Variants in ARHGAP26 observed in about 807,000 individuals in gnomAD.
The protein encoded by ARHGAP26 is Rho GTPase activating protein 26, also known as rho GTPase-activating protein 26.
A neutral mutation model predicts 104.8 loss-of-function variants in ARHGAP26; 38 were observed. The observed-to-expected ratio is 0.36, with a 90% CI of 0.28 to 0.48. ARHGAP26 has a LOEUF of 0.48. Among genes scored for constraint, ARHGAP26 ranks in the 20% least tolerant of loss-of-function variants. The pLI is 0.99. For synonymous variants in ARHGAP26, 341 were observed against 340.0 expected, an observed-to-expected ratio of 1.00 and a Z score of -0.03; for missense variants, 704 against 947.9, an observed-to-expected ratio of 0.74 and a Z score of 3.38.
At chr5:143,179,986 C>G (rs1250417430) in intron 20 of ARHGAP26, among the ~76,000 whole-genome samples, 1 of 152,066 alleles carries the variant, frequency 6.6e-6, no homozygotes, top group Non-Finnish European at 1.5e-5. Flanking sequence ...GGTTTAAAAC[C>G]CTCAATTTGC....
intron 1 of ARHGAP26, among the ~76,000 whole-genome samples, chr5:142,869,294 C>T (rs1283167949): frequency 6.6e-6 from 1 of 151,348 alleles, no homozygotes; most frequent in Non-Finnish European, 1.5e-5. Flanking sequence ...GCAGCCTCAG[C>T]CTCCCGGGTT....
intron 1 of ARHGAP26, among the ~76,000 whole-genome samples, chr5:142,786,654 A>ATTTTTTTTTTTTT (rs70991779): frequency 9.6e-6 from 1 of 104,446 alleles, no homozygotes; most frequent in East Asian, 3.0e-4. Flanking sequence ...GAGTTCTAGA[A>ATTTTTTTTTTTTT]TTTTTTTTTT....
chr5:143,050,114 G>A (rs181253971), intron 14 of ARHGAP26, among the ~76,000 whole-genome samples: 67 of 152,252 alleles, frequency 4.4e-4, no homozygotes, highest in Admixed American at 3.0e-3. Flanking sequence ...GTTGTTGGTG[G>A]GCAGAGGGCC....
In ARHGAP26 at chr5:143,224,642, C is replaced by G. The variant is rs1811516180; in HGVS notation, c.*2196C>G. 2 of 230,456 alleles carry G rather than the reference C, an allele frequency of 8.7e-6. No individual in the cohort carries two copies. The highest frequency in any genetic ancestry group is 4.4e-5 in the African/African-American group (2 of 45,216). 14.3% of individuals were successfully genotyped at this position (230,456 alleles called of 1,614,324 possible). ...TCTTCTGAGGCTTTAGAAATGTGGA[C>G]AAGCTAGTTTTCAAATTTTGTGTGC... On this transcript the variant is annotated 3_prime_UTR_variant, in exon 23 of 23. Coordinates refer to ENST00000645722, the MANE Select transcript of ARHGAP26 (RefSeq NM_001135608.3).
chr5:142,912,594 T>A (rs931693534), intron 9 of ARHGAP26, among the ~76,000 whole-genome samples: 2 of 152,240 alleles, frequency 1.3e-5, no homozygotes, highest in Admixed American at 1.3e-4. Context: ...ATGTATTTAT[T>A]GAGGAGCTAC....
intron 17 of ARHGAP26, among the ~76,000 whole-genome samples, chr5:143,096,972 C>T (rs1352065937): frequency 2.0e-5 from 3 of 152,170 alleles, no homozygotes; most frequent in Non-Finnish European, 2.9e-5. Context: ...GGGCCGGGTG[C>T]GGTGGCTCAC....
intron 3 of ARHGAP26, among the ~76,000 whole-genome samples, chr5:142,876,335 C>A (rs1382587408): frequency 6.6e-5 from 10 of 152,172 alleles, no homozygotes; most frequent in Admixed American, 5.9e-4. Flanking sequence ...CCCATGATGA[C>A]TCTGGGAAGT....
At chr5:142,936,443 A>G (rs746002145) in intron 11 of ARHGAP26, among the ~76,000 whole-genome samples, 32 of 152,226 alleles carry the variant, frequency 2.1e-4, no homozygotes, top group African/African-American at 4.3e-4. Context: ...AAAGATGTCA[A>G]TTCTCCCCAA....
At chr5:143,012,577 T>TA (rs753260126) in intron 11 of ARHGAP26, among the ~76,000 whole-genome samples, 1,991 of 19,096 alleles carry the variant, frequency 0.1, 295 homozygotes, top group Middle Eastern at 0.21. Flanking sequence ...ATATATATAT[T>TA]ATGATCAGGT....
chr5:143,089,971 TA>T (rs1791169659), intron 17 of ARHGAP26, among the ~76,000 whole-genome samples: 1 of 152,224 alleles, frequency 6.6e-6, no homozygotes, highest in Non-Finnish European at 1.5e-5. Context: ...GAGTGTCCAG[TA>T]AAGGTCCACC....
intron 17 of ARHGAP26, among the ~76,000 whole-genome samples, chr5:143,103,624 A>C (rs1793579823): frequency 6.6e-6 from 1 of 152,240 alleles, no homozygotes; most frequent in Non-Finnish European, 1.5e-5. Flanking sequence ...GCCATAAAAA[A>C]GAATAAGTTC....
At chr5:142,894,106 C>T (rs766868846) in intron 5 of ARHGAP26, 132 bp from the exon 6 acceptor site, 9 of 623,902 alleles carry the variant, frequency 1.4e-5, no homozygotes, top group Non-Finnish European at 2.3e-5. Flanking sequence ...TATAGTTATT[C>T]TTCTTCTGTG....
intron 21 of ARHGAP26, among the ~76,000 whole-genome samples, chr5:143,209,812 G>T (rs1289991868): frequency 6.6e-6 from 1 of 151,896 alleles, no homozygotes; most frequent in Non-Finnish European, 1.5e-5. Context: ...GGCAGAGTTG[G>T]ACTAAATGTG....
At chr5:143,214,121 CG>C in intron 22 of ARHGAP26, 33 bp downstream of exon 22, 6 of 635,202 alleles carry the variant, frequency 9.4e-6, no homozygotes, top group Non-Finnish European at 4.8e-6. Context: ...AAGATATGGG[CG>C]GGGGGCGGGG....
intron 1 of ARHGAP26, among the ~76,000 whole-genome samples, chr5:142,806,714 AC>A (rs909635891): frequency 1.3e-5 from 2 of 151,960 alleles, no homozygotes; most frequent in African/African-American, 2.4e-5. Flanking sequence ...CCAGTTATGT[AC>A]CCCCCCACTA....
At chr5:143,200,393 A>G (rs1299980933) in intron 20 of ARHGAP26, among the ~76,000 whole-genome samples, 5 of 152,246 alleles carry the variant, frequency 3.3e-5, no homozygotes. Flanking sequence ...TGTGAGTTGC[A>G]ATGCTATTTA....
chr5:142,958,298 G>T (rs941178698), intron 11 of ARHGAP26, among the ~76,000 whole-genome samples: 3 of 152,146 alleles, frequency 2.0e-5, no homozygotes, highest in Non-Finnish European at 4.4e-5. Flanking sequence ...AGATCGAAAA[G>T]CCTCTGAGGT....
chr5:142,869,208 CTTTTTTT>C (rs1262754470), intron 1 of ARHGAP26, among the ~76,000 whole-genome samples: 3 of 137,224 alleles, frequency 2.2e-5, no homozygotes, highest in Admixed American at 7.3e-5. Context: ...TTTCTTTTTT[CTTTTTTT>C]TTTTTTTTTG....
At chr5:142,846,164 C>G (rs548347109) in intron 1 of ARHGAP26, among the ~76,000 whole-genome samples, 1 of 152,194 alleles carries the variant, frequency 6.6e-6, no homozygotes, top group East Asian at 1.9e-4. Flanking sequence ...ATAGCTGACT[C>G]ATGTTGAGTT....
Sources: allele counts gnomAD v4.1 joint callset (sites outside exome capture counted in the v4.1 genomes callset), GRCh38; gene constraint gnomAD v4.1.1; transcripts MANE v1.5; gene names NCBI Gene and HGNC (gene_info 2026-07-23, HGNC 2026-07-21).